LRRC4C: variants seen among roughly 807,000 people sequenced by gnomAD.
LRRC4C encodes leucine rich repeat containing 4C.
In LRRC4C, 5 loss-of-function variants were observed where a neutral mutation model predicts 33.6. That is an observed-to-expected ratio of 0.15 (90% confidence interval 0.08 to 0.31). The LOEUF is 0.31. LRRC4C is among the 10% of genes least tolerant of loss of function. The probability of loss-of-function intolerance (pLI) is 1.00; values close to 1 mark genes in which losing one functional copy is unlikely to be tolerated. For missense variants in LRRC4C, 560 were observed against 796.7 expected, an observed-to-expected ratio of 0.70 and a Z score of 3.58; for synonymous variants, 329 against 302.0, an observed-to-expected ratio of 1.09 and a Z score of -0.93.
chr11:40,756,253 T>C (rs1207764505), intron 2 of LRRC4C, among the ~76,000 whole-genome samples: 1 of 152,078 alleles, frequency 6.6e-6, no homozygotes, highest in African/African-American at 2.4e-5. Flanking sequence ...CTATGGTCTT[T>C]TGTTGTGGCA....
At chr11:40,814,618 T>G (rs980218558) in intron 2 of LRRC4C, among the ~76,000 whole-genome samples, 5 of 151,892 alleles carry the variant, frequency 3.3e-5, no homozygotes, top group Non-Finnish European at 7.4e-5. Flanking sequence ...GGTTTTTTCT[T>G]TTCTATTGCA....
intron 3 of LRRC4C, among the ~76,000 whole-genome samples, chr11:40,506,625 C>G (rs1266738802): frequency 6.6e-6 from 1 of 150,954 alleles, no homozygotes; most frequent in African/African-American, 2.4e-5. Flanking sequence ...CATTTAACTG[C>G]TTTTTATTCT....
intron 1 of LRRC4C, among the ~76,000 whole-genome samples, chr11:41,018,250 G>A (rs577575515): frequency 3.1e-4 from 47 of 152,214 alleles, no homozygotes; most frequent in Non-Finnish European, 5.7e-4. Flanking sequence ...TTACATTCAC[G>A]TGTTCTAGAG....
At chr11:40,403,716 A>T (rs1949850803) in intron 3 of LRRC4C, among the ~76,000 whole-genome samples, 1 of 152,096 alleles carries the variant, frequency 6.6e-6, no homozygotes, top group Non-Finnish European at 1.5e-5. Flanking sequence ...TTTTTTGTTT[A>T]TACCACCAGA....
At chr11:40,650,869 C>G (rs536702985) in intron 2 of LRRC4C, among the ~76,000 whole-genome samples, 1 of 152,142 alleles carries the variant, frequency 6.6e-6, no homozygotes, top group African/African-American at 2.4e-5. Context: ...CATTAATGCC[C>G]TCTTGTTCCC....
At chr11:40,636,988 G>A (rs1057284489) in intron 3 of LRRC4C, among the ~76,000 whole-genome samples, 6 of 152,134 alleles carry the variant, frequency 3.9e-5, no homozygotes, top group Non-Finnish European at 7.4e-5. Context: ...TCTGTGGTAG[G>A]AGGATCATTC....
intron 1 of LRRC4C, among the ~76,000 whole-genome samples, chr11:41,385,609 C>T (rs1953331030): frequency 2.0e-5 from 3 of 151,534 alleles, no homozygotes; most frequent in South Asian, 4.1e-4. Context: ...TGAGATACAG[C>T]TAAATGCTAC....
At chr11:40,750,510 T>C (rs1948632675) in intron 2 of LRRC4C, among the ~76,000 whole-genome samples, 2 of 151,898 alleles carry the variant, frequency 1.3e-5, no homozygotes, top group African/African-American at 2.4e-5. Flanking sequence ...TGTAGGGACA[T>C]GGATGAAGCT....
chr11:40,657,466 C>T (rs2136189126), intron 2 of LRRC4C, among the ~76,000 whole-genome samples: 1 of 151,610 alleles, frequency 6.6e-6, no homozygotes, highest in South Asian at 2.1e-4. Context: ...GTGGAAACTG[C>T]TTAGGGCAAA....
intron 1 of LRRC4C, among the ~76,000 whole-genome samples, chr11:41,431,004 A>T (rs1955213753): frequency 6.6e-6 from 1 of 152,116 alleles, no homozygotes; most frequent in African/African-American, 2.4e-5. Context: ...GTGTATTGTC[A>T]GACAAATTTG....
intron 1 of LRRC4C, among the ~76,000 whole-genome samples, chr11:41,154,326 TATAA>T (rs1944131376): frequency 6.6e-6 from 1 of 152,176 alleles, no homozygotes; most frequent in Non-Finnish European, 1.5e-5. Context: ...CTGGTCCTCA[TATAA>T]TTGCTTACAT....
chr11:40,459,276 T>G (rs1032263507), intron 3 of LRRC4C, among the ~76,000 whole-genome samples: 1 of 152,162 alleles, frequency 6.6e-6, no homozygotes, highest in African/African-American at 2.4e-5. Context: ...ACATCCAATT[T>G]GGAAGCAGTA....
chr11:41,193,906 C>T (rs1188352067), intron 1 of LRRC4C, among the ~76,000 whole-genome samples: 1 of 151,678 alleles, frequency 6.6e-6, no homozygotes, highest in Admixed American at 6.6e-5. Context: ...AGAAATAATA[C>T]AGCCAAAAAG....
intron 1 of LRRC4C, among the ~76,000 whole-genome samples, chr11:41,202,739 C>A (rs1324395540): frequency 6.6e-6 from 1 of 151,700 alleles, no homozygotes; most frequent in East Asian, 1.9e-4. Context: ...TTTCCCCAAA[C>A]AACTATTTAA....
At chr11:40,508,904 G>T (rs1380158698) in intron 3 of LRRC4C, among the ~76,000 whole-genome samples, 1 of 152,008 alleles carries the variant, frequency 6.6e-6, no homozygotes, top group East Asian at 1.9e-4. Flanking sequence ...TTAAAATAAG[G>T]AAATACTATT....
At chr11:40,898,190 AC>A (rs1956037531) in intron 2 of LRRC4C, among the ~76,000 whole-genome samples, 1 of 151,698 alleles carries the variant, frequency 6.6e-6, no homozygotes, top group South Asian at 2.1e-4. Flanking sequence ...CCCCATCTCT[AC>A]TAAAAATACA....
intron 3 of LRRC4C, among the ~76,000 whole-genome samples, chr11:40,610,067 C>T (rs1961046771): frequency 6.6e-6 from 1 of 151,770 alleles, no homozygotes; most frequent in African/African-American, 2.4e-5. Context: ...CAAAGTCAGA[C>T]AAAGACACCT....
chr11:40,676,903 C>T (rs1270049985), intron 2 of LRRC4C, among the ~76,000 whole-genome samples: 1 of 152,018 alleles, frequency 6.6e-6, no homozygotes, highest in Non-Finnish European at 1.5e-5. Flanking sequence ...GTGTATTTCC[C>T]AATTTACCTC....
intron 1 of LRRC4C, among the ~76,000 whole-genome samples, chr11:41,231,673 G>A (rs536268465): frequency 5.6e-4 from 85 of 151,554 alleles, no homozygotes; most frequent in African/African-American, 1.8e-3. Flanking sequence ...TAAATGACGC[G>A]TTAATGGGTG....
Sources: allele counts gnomAD v4.1 joint callset (sites outside exome capture counted in the v4.1 genomes callset), GRCh38; gene constraint gnomAD v4.1.1; transcripts MANE v1.5; gene names NCBI Gene and HGNC (gene_info 2026-07-23, HGNC 2026-07-21).